CEP89: variants seen among roughly 807,000 people sequenced by gnomAD.
CEP89 encodes centrosomal protein of 89 kDa.
Under a neutral mutation model 97.6 loss-of-function variants are expected in CEP89, and 95 were observed. The ratio of observed to expected loss-of-function variants is 0.97; its 90% CI spans 0.82 to 1.15. The LOEUF (loss-of-function observed/expected upper bound fraction) is 1.15. CEP89 is among the 50% of genes most tolerant of loss of function. CEP89 has a pLI of 0.00. For missense variants in CEP89, 869 were observed against 947.7 expected (o/e 0.92, Z 1.09); for synonymous variants, 354 against 349.1 (o/e 1.01, Z -0.16).
At chr19:32,948,498 C>G in intron 4 of CEP89, 130 bp from the exon 5 acceptor site, 1 of 547,406 alleles carries the variant, frequency 1.8e-6, no homozygotes, top group South Asian at 2.8e-5. Flanking sequence ...GGCACTTCAG[C>G]TGCTTTCCTC....
At chr19:32,880,651 A>AAT (rs1969262812) in intron 18 of CEP89, among the ~76,000 whole-genome samples, 1 of 151,954 alleles carries the variant, frequency 6.6e-6, no homozygotes, top group African/African-American at 2.4e-5. Flanking sequence ...AAAAAAAAAA[A>AAT]AAAAAAAAAA....
chr19:32,907,825 G>A (rs2145897091), intron 14 of CEP89, among the ~76,000 whole-genome samples: 1 of 152,290 alleles, frequency 6.6e-6, no homozygotes, highest in South Asian at 2.1e-4. Context: ...GACCTCAACT[G>A]ATCCACCTGC....
chr19:32,922,687 AAAATACAAAAATTAGCCAGGTG>A (rs1451677604), intron 12 of CEP89, among the ~76,000 whole-genome samples: 2 of 152,072 alleles, frequency 1.3e-5, no homozygotes, highest in Admixed American at 1.3e-4. Context: ...ATCTCTACTA[AAAATACAAAAATTAGCCAGGTG>A]TGGTGGCACG....
chr19:32,880,287 G>A (rs17272267), intron 18 of CEP89, among the ~76,000 whole-genome samples: 22,300 of 152,202 alleles, frequency 0.15, 2,002 homozygotes, highest in Non-Finnish European at 0.21. Context: ...TTCGCACCAC[G>A]GTTTAAAGAG....
chr19:32,948,320 G>A lies in CEP89; in HGVS notation c.541C>T (p.His181Tyr). Residue 181 changes from histidine to tyrosine, a missense_variant, in exon 5 of 19, where the codon CAT (histidine) becomes TAT (tyrosine). Transcript: ENST00000305768. The part of the protein sequence containing the change: ...VNSEDDENIS[H>Y]QDGFPGSPPA... ...GGGGAGCCTGGAAACCCATCTTGAT[G>A]AGAAATATTTTCATCGTCTTCACTG... 1 of 1,611,776 alleles carries A rather than the reference G, an allele frequency of 6.2e-7. No individual in the cohort carries two copies. The highest frequency in any genetic ancestry group is 8.5e-7 in the Non-Finnish European group (1 of 1,178,982).
At chr19:32,964,281 C>T (rs1280385624) in intron 2 of CEP89, among the ~76,000 whole-genome samples, 4 of 152,024 alleles carry the variant, frequency 2.6e-5, no homozygotes, top group Non-Finnish European at 5.9e-5. Context: ...AGGCGATTCT[C>T]GTGCCTCAGC....
chr19:32,965,619 C>T (rs1243337649), intron 2 of CEP89, among the ~76,000 whole-genome samples: 1 of 151,198 alleles, frequency 6.6e-6, no homozygotes. Context: ...CTGATTGAGC[C>T]TGGGAGGTGG....
rs1207481256 is a variant in CEP89 at position 32,902,010 on chromosome 19, C to CTCTGTG, written c.1566-599_1566-598insCACAGA. Among the ~76,000 whole-genome samples the CTCTGTG allele has an allele frequency of 1.7e-3, 231 of 133,804 alleles. 2 individuals carry two copies. Among genetic ancestry groups the CTCTGTG allele is most frequent in the African/African-American group, 2.5e-3 (88 of 34,570 alleles). 87.8% of individuals were successfully genotyped at this position (133,804 alleles called of 152,430 possible). On this transcript the variant is annotated intron_variant, in intron 14 of 18. Coordinates refer to ENST00000305768, the MANE Select transcript of CEP89 (RefSeq NM_032816.5). ...TCTGTCTCTCTGTCTCTCTCTCTCT[C>CTCTGTG]TGTGTGTGTGTGTGTGTGTGTGTGT...
intron 14 of CEP89, 112 bp downstream of exon 14, chr19:32,915,225 G>T: frequency 1.0e-6 from 1 of 953,654 alleles, no homozygotes; most frequent in Admixed American, 3.1e-5. Flanking sequence ...TTGAGAGGCT[G>T]GGATGGGCAG....
intron 12 of CEP89, among the ~76,000 whole-genome samples, chr19:32,919,302 C>A (rs1053543002): frequency 6.6e-6 from 1 of 152,182 alleles, no homozygotes; most frequent in Non-Finnish European, 1.5e-5. Flanking sequence ...ATCGCAAATT[C>A]TGATTAGAAT....
At chr19:32,888,670 G>A (rs546838621) in intron 16 of CEP89, among the ~76,000 whole-genome samples, 11 of 149,904 alleles carry the variant, frequency 7.3e-5, no homozygotes, top group East Asian at 5.9e-4. Flanking sequence ...GCAACATAGC[G>A]AGATTCTGTC....
intron 12 of CEP89, among the ~76,000 whole-genome samples, chr19:32,920,275 T>C (rs1291755867): frequency 1.3e-5 from 2 of 152,124 alleles, no homozygotes; most frequent in Admixed American, 1.3e-4. Flanking sequence ...GGCACAGTGG[T>C]GTGATCATAG....
In CEP89 at chr19:32,900,888, C is replaced by CTTTTTTTT. The variant is rs34188586; in HGVS notation, c.1733+349_1733+356dup. Among the ~76,000 whole-genome samples, 857 of 138,086 alleles carry CTTTTTTTT rather than the reference C, an allele frequency of 6.2e-3. 22 individuals carry two copies. Among genetic ancestry groups the CTTTTTTTT allele is most frequent in the African/African-American group, 0.022 (809 of 37,162 alleles). 90.6% of individuals were successfully genotyped at this position (138,086 alleles called of 152,430 possible). A position where few individuals can be genotyped will look rare whatever the true frequency, so the allele number is the denominator to read the frequency against. The stretch of plus-strand genomic sequence containing the variant: ...ATGAAATGGAATATTCTTCATTTGT[C>CTTTTTTTT]TTTTTTTTTTTTTTTGAGACAGGGT... On this transcript the variant is annotated intron_variant, in intron 15 of 18. Coordinates refer to ENST00000305768, the MANE Select transcript of CEP89 (RefSeq NM_032816.5).
chr19:32,879,972 C>T (rs1007186156), intron 18 of CEP89, among the ~76,000 whole-genome samples: 1 of 152,208 alleles, frequency 6.6e-6, no homozygotes, highest in Non-Finnish European at 1.5e-5. Context: ...AGAAGATTGG[C>T]CTGGCCCATG....
intron 17 of CEP89, among the ~76,000 whole-genome samples, chr19:32,882,238 A>G (rs1211757129): frequency 1.3e-5 from 2 of 152,234 alleles, no homozygotes; most frequent in African/African-American, 2.4e-5. Flanking sequence ...TATAAAGCCT[A>G]GTTCTTTATA....
chr19:32,946,982 C>T lies in CEP89; in HGVS notation c.595+1284G>A, dbSNP rs76603542. On this transcript the variant is annotated intron_variant, in intron 5 of 18. Coordinates refer to ENST00000305768, the MANE Select transcript of CEP89 (RefSeq NM_032816.5). ...TACTTTTGTAATTTAAAAAGAGATGCACCTTTTACATAAATCTAATATTTA... is the reference window on the plus strand; with the variant it reads ...TACTTTTGTAATTTAAAAAGAGATGTACCTTTTACATAAATCTAATATTTA... Among the ~76,000 whole-genome samples the T allele has an allele frequency of 7.4e-3, 1,132 of 152,162 alleles. 17 individuals carry two copies. Among genetic ancestry groups the T allele is most frequent in the African/African-American group, 0.026 (1,090 of 41,508 alleles).
intron 16 of CEP89, among the ~76,000 whole-genome samples, chr19:32,897,866 AT>A (rs1969676591): frequency 6.6e-6 from 1 of 152,132 alleles, no homozygotes; most frequent in Non-Finnish European, 1.5e-5. Flanking sequence ...CTGGCCTGAA[AT>A]TTTACTTTAT....
chr19:32,913,448 G>GTA (rs1970055569), intron 14 of CEP89, among the ~76,000 whole-genome samples: 1 of 151,338 alleles, frequency 6.6e-6, no homozygotes, highest in Admixed American at 6.6e-5. Flanking sequence ...CCATACATAG[G>GTA]TATATATATA....
chr19:32,931,136 C>T (rs765492159), intron 9 of CEP89: 29 of 395,068 alleles, frequency 7.3e-5, no homozygotes, highest in South Asian at 2.4e-4. Context: ...GCAATTCTCC[C>T]GCCTCAGCCT....
Sources: allele counts gnomAD v4.1 joint callset (sites outside exome capture counted in the v4.1 genomes callset), GRCh38; gene constraint gnomAD v4.1.1; transcripts MANE v1.5; gene names NCBI Gene and HGNC (gene_info 2026-07-23, HGNC 2026-07-21).